Variants in GABRA3 observed in about 807,000 individuals in gnomAD.
GABRA3 encodes gamma-aminobutyric acid type A receptor subunit alpha3, also known as gamma-aminobutyric acid receptor subunit alpha-3.
GABRA3 carries 10 observed loss-of-function variants against 30.1 expected under a neutral mutation model. That is an observed-to-expected ratio of 0.33 (90% confidence interval 0.20 to 0.56). GABRA3 has a LOEUF of 0.56. Ranked by LOEUF, GABRA3 falls within the 20% of genes least tolerant of loss-of-function variation. GABRA3 has a pLI of 0.89. For missense variants in GABRA3, 233 were observed against 392.0 expected (o/e 0.59, Z 3.42); for synonymous variants, 151 against 146.8 (o/e 1.03, Z -0.21).
chrX:152,168,958 C>T (rs112944398), intron 9 of GABRA3, among the ~76,000 whole-genome samples: 221 of 111,953 alleles, frequency 2.0e-3, no homozygotes, highest in African/African-American at 6.5e-3. Context: ...TCATGTGATT[C>T]GATCCTCAGA....
At chrX:152,275,202 A>AT (rs1277234913) in intron 4 of GABRA3, among the ~76,000 whole-genome samples, 1 of 49,069 alleles carries the variant, frequency 2.0e-5, no homozygotes, top group Non-Finnish European at 3.0e-5. Flanking sequence ...TATATAATTT[A>AT]TATATATAAT....
chrX:152,330,499 C>A (rs1457686506), intron 3 of GABRA3, among the ~76,000 whole-genome samples: 1 of 111,921 alleles, frequency 8.9e-6, no homozygotes, highest in African/African-American at 3.3e-5. Flanking sequence ...CACATATACA[C>A]CATGCAATAG....
rs61015847 is a variant in GABRA3 at position 152,324,338 on chromosome X, A to G, written c.262+21243T>C. Among the ~76,000 whole-genome samples, 884 of 112,323 alleles carry G rather than the reference A, an allele frequency of 7.9e-3. 11 individuals carry two copies. Among genetic ancestry groups the G allele is most frequent in the African/African-American group, 0.027 (847 of 30,966 alleles). On this transcript the variant is annotated intron_variant, in intron 3 of 9. Transcript: ENST00000370314. The stretch of plus-strand genomic sequence containing the variant: ...AAATACGTAAGCTTTGGAAAAACAG[A>G]TAATTATTAGCAGGAGCTACCATGG...
chrX:152,267,278 T>C (rs1483759065), intron 4 of GABRA3, among the ~76,000 whole-genome samples: 1 of 112,222 alleles, frequency 8.9e-6, no homozygotes, highest in Non-Finnish European at 1.9e-5. Flanking sequence ...TCACATGGGT[T>C]TTTGTTCTTG....
chrX:152,332,540 T>A (rs937209160), intron 3 of GABRA3, among the ~76,000 whole-genome samples: 1 of 112,339 alleles, frequency 8.9e-6, no homozygotes, highest in African/African-American at 3.2e-5. Context: ...GTTATTTACA[T>A]AATTTATTTT....
intron 1 of GABRA3, among the ~76,000 whole-genome samples, chrX:152,442,989 G>T (rs1450925922): frequency 9.1e-6 from 1 of 109,436 alleles, no homozygotes; most frequent in East Asian, 2.8e-4. Context: ...CAAATGAAAA[G>T]ATAAATATAA....
intron 1 of GABRA3, among the ~76,000 whole-genome samples, chrX:152,444,817 T>C (rs1233763824): frequency 1.1e-5 from 1 of 90,108 alleles, no homozygotes; most frequent in African/African-American, 4.0e-5. Context: ...ATCCCAGCAC[T>C]TTGGGAGGCC....
intron 5 of GABRA3, chrX:152,250,911 G>T (rs184326268): frequency 3.4e-4 from 60 of 178,008 alleles, no homozygotes; most frequent in Non-Finnish European, 5.7e-4. Flanking sequence ...TAAGTGTTCT[G>T]CAGACCTTAT....
At chrX:152,252,429 T>C (rs1938571782) in intron 5 of GABRA3, among the ~76,000 whole-genome samples, 1 of 111,577 alleles carries the variant, frequency 9.0e-6, no homozygotes, top group Non-Finnish European at 1.9e-5. Flanking sequence ...ACTACCCAAG[T>C]GAACTTGAAA....
At chrX:152,241,307 C>CTCAGGGG (rs775228361) in intron 5 of GABRA3, among the ~76,000 whole-genome samples, 32 of 75,323 alleles carry the variant, frequency 4.2e-4, no homozygotes, top group African/African-American at 9.8e-4. Context: ...AGTTAGGCTG[C>CTCAGGGG]TCAGGGGTCA....
chrX:152,196,627 C>T (rs1276388093), intron 8 of GABRA3, among the ~76,000 whole-genome samples: 3 of 111,024 alleles, frequency 2.7e-5, no homozygotes, highest in African/African-American at 6.6e-5. Context: ...TTCTCAAGAT[C>T]CCTAACAGCC....
intron 2 of GABRA3, among the ~76,000 whole-genome samples, chrX:152,361,002 G>A (rs1233941998): frequency 7.5e-5 from 8 of 106,207 alleles, no homozygotes; most frequent in Non-Finnish European, 1.2e-4. Context: ...GTGATCATGT[G>A]AGCCCAGGAG....
Position 152,275,930 on chromosome X carries a change from A to G in GABRA3, c.330+8738T>C, listed in dbSNP as rs181136748. 4.9e-3 allele frequency among the ~76,000 whole-genome samples: 536 copies of G among 110,053 alleles called. 7 individuals are homozygous for G. Among genetic ancestry groups the G allele is most frequent in the African/African-American group, 0.017 (509 of 30,454 alleles). On this transcript the variant is annotated intron_variant, in intron 4 of 9. Coordinates refer to ENST00000370314, the MANE Select transcript of GABRA3 (RefSeq NM_000808.4). ...AAATAATAGTAAACCTAACTAAAAC[A>G]TGTATAAAAAGGAATACCTCCCTGT...
chrX:152,366,826 G>T (rs1439164528), intron 1 of GABRA3, among the ~76,000 whole-genome samples: 1 of 111,466 alleles, frequency 9.0e-6, no homozygotes, highest in Non-Finnish European at 1.9e-5. Flanking sequence ...TAGGAATTAA[G>T]TGAAATGGTT....
At chrX:152,290,428 G>C (rs750029814) in intron 3 of GABRA3, among the ~76,000 whole-genome samples, 1 of 111,364 alleles carries the variant, frequency 9.0e-6, no homozygotes, top group East Asian at 2.8e-4. Flanking sequence ...TTGTCAGATG[G>C]GTAGATTGCA....
intron 5 of GABRA3, among the ~76,000 whole-genome samples, chrX:152,231,728 G>C: frequency 9.0e-6 from 1 of 111,453 alleles, no homozygotes; most frequent in Non-Finnish European, 1.9e-5. Context: ...GTTTATAGCA[G>C]CTTTATTCAC....
chrX:152,333,533 A>T (rs1940192280), intron 3 of GABRA3, among the ~76,000 whole-genome samples: 1 of 112,077 alleles, frequency 8.9e-6, no homozygotes, highest in Non-Finnish European at 1.9e-5. Flanking sequence ...TGGAATTAGT[A>T]AGTCAGTAGA....
chrX:152,242,829 A>G (rs996874066), intron 5 of GABRA3, among the ~76,000 whole-genome samples: 4 of 112,284 alleles, frequency 3.6e-5, no homozygotes, highest in Non-Finnish European at 7.5e-5. Flanking sequence ...TAAAAATAGA[A>G]ATACCATATA....
chrX:152,403,762 GC>G (rs1353068002), intron 1 of GABRA3, among the ~76,000 whole-genome samples: 2 of 110,647 alleles, frequency 1.8e-5, no homozygotes, highest in East Asian at 5.8e-4. Context: ...GAAAAGTCAA[GC>G]AGAAAGCAAT....
Sources: allele counts gnomAD v4.1 joint callset (sites outside exome capture counted in the v4.1 genomes callset), GRCh38; gene constraint gnomAD v4.1.1; transcripts MANE v1.5; gene names NCBI Gene and HGNC (gene_info 2026-07-23, HGNC 2026-07-21).